The following ATRNL1 variants were observed in gnomAD, a reference collection of about 807,000 sequenced individuals.
ATRNL1 encodes the protein attractin like 1.
A neutral mutation model predicts 182.7 loss-of-function variants in ATRNL1; 95 were observed. The observed-to-expected ratio is 0.52, with a 90% CI of 0.44 to 0.62. The LOEUF (loss-of-function observed/expected upper bound fraction) is 0.62. ATRNL1 is among the 20% of genes least tolerant of loss of function. The pLI is 0.00. For missense variants in ATRNL1, 1,471 were observed against 1,679.5 expected (o/e 0.88, Z 2.17); for synonymous variants, 576 against 568.3 (o/e 1.01, Z -0.19).
intron 28 of ATRNL1, among the ~76,000 whole-genome samples, chr10:115,931,803 C>T (rs144096340): frequency 1.3e-5 from 2 of 152,278 alleles, no homozygotes; most frequent in Non-Finnish European, 2.9e-5. Flanking sequence ...CTGTGAGGAA[C>T]CTGTGGTTAA....
chr10:115,225,415 C>T (rs966346971), intron 9 of ATRNL1, among the ~76,000 whole-genome samples: 19 of 150,434 alleles, frequency 1.3e-4, no homozygotes, highest in African/African-American at 3.9e-4. Flanking sequence ...TAAGGGTGCT[C>T]GCTGTCACCA....
intron 26 of ATRNL1, among the ~76,000 whole-genome samples, chr10:115,643,979 G>A (rs1215767769): frequency 6.6e-6 from 1 of 152,140 alleles, no homozygotes; most frequent in Admixed American, 6.6e-5. Context: ...CCCCAAAGAA[G>A]CAAGAACTTA....
chr10:115,937,334 C>T (rs1347422443), intron 28 of ATRNL1, among the ~76,000 whole-genome samples: 2 of 152,178 alleles, frequency 1.3e-5, no homozygotes, highest in African/African-American at 4.8e-5. Context: ...CTGTAGTTGT[C>T]ACTGGTTTTT....
chr10:115,095,374 TTA>T (rs1491344969), intron 1 of ATRNL1, among the ~76,000 whole-genome samples: 3,342 of 148,562 alleles, frequency 0.022, 46 homozygotes, highest in Non-Finnish European at 0.028. Flanking sequence ...TTTTTTTTTT[TTA>T]AAAAAAAACT....
At chr10:115,372,010 C>G (rs543779168) in intron 19 of ATRNL1, among the ~76,000 whole-genome samples, 1 of 152,148 alleles carries the variant, frequency 6.6e-6, no homozygotes, top group African/African-American at 2.4e-5. Flanking sequence ...TTTCTCTGCA[C>G]AAGCTCTCTT....
In ATRNL1 at chr10:115,266,987, A is replaced by C. The variant is rs1310877806; in HGVS notation, c.1963A>C (p.Lys655Gln). ...SGNTNNILRA[K>Q]CPPKTAASDD... ...GAATACTAATAATATTCTTAGAGCA[A>C]AGTGCCCTCCTAAAACAGGTAAATT... The change falls in exon 12 of 29, where the codon AAG (lysine) becomes CAG (glutamine). Residue 655 changes from lysine (K) to glutamine (Q), a missense_variant. Transcript: ENST00000355044. 6.2e-7 allele frequency: 1 copy of C among 1,608,736 alleles called. No individual in the cohort carries two copies. Among genetic ancestry groups the C allele is most frequent in the Non-Finnish European group, 8.5e-7 (1 of 1,176,730 alleles).
chr10:115,930,232 C>T (rs1953352967), intron 28 of ATRNL1, among the ~76,000 whole-genome samples: 2 of 152,140 alleles, frequency 1.3e-5, no homozygotes, highest in African/African-American at 4.8e-5. Context: ...GTGTTTTTAA[C>T]CACAGTCATT....
At chr10:115,111,893 T>A (rs1844272268) in intron 1 of ATRNL1, among the ~76,000 whole-genome samples, 1 of 152,204 alleles carries the variant, frequency 6.6e-6, no homozygotes, top group Non-Finnish European at 1.5e-5. Flanking sequence ...CACTCATTTA[T>A]GGGCCAAGTT....
chr10:115,804,494 A>G (rs1394381982), intron 27 of ATRNL1, among the ~76,000 whole-genome samples: 2 of 152,156 alleles, frequency 1.3e-5, no homozygotes, highest in African/African-American at 4.8e-5. Context: ...GTGAGGGTAC[A>G]ATGAGAAGAC....
chr10:115,894,867 A>G (rs1952167804), intron 28 of ATRNL1, among the ~76,000 whole-genome samples: 1 of 152,180 alleles, frequency 6.6e-6, no homozygotes, highest in Admixed American at 6.5e-5. Context: ...ATGAGCTTTT[A>G]GCTTATCCCC....
chr10:115,121,247 G>A (rs1414467143), intron 2 of ATRNL1, among the ~76,000 whole-genome samples: 1 of 152,066 alleles, frequency 6.6e-6, no homozygotes, highest in Non-Finnish European at 1.5e-5. Flanking sequence ...TGAGTAGCTG[G>A]GACTAGAGGT....
chr10:115,149,953 G>T (rs547112680), intron 5 of ATRNL1, among the ~76,000 whole-genome samples: 1 of 150,346 alleles, frequency 6.7e-6, no homozygotes, highest in Non-Finnish European at 1.5e-5. Flanking sequence ...GACTTTGGCC[G>T]TGAAGCCGTC....
chr10:115,644,811 AATATAT>A (rs1352999556), intron 26 of ATRNL1, among the ~76,000 whole-genome samples: 2 of 152,314 alleles, frequency 1.3e-5, no homozygotes, highest in East Asian at 3.9e-4. Context: ...GCTTAGAAGC[AATATAT>A]CTGGGATGTT....
intron 27 of ATRNL1, among the ~76,000 whole-genome samples, chr10:115,728,616 G>A (rs947424798): frequency 1.1e-4 from 16 of 152,044 alleles, no homozygotes; most frequent in Admixed American, 5.9e-4. Context: ...TCTGTCTGTA[G>A]CATTTTTGTT....
At chr10:115,558,442 A>G (rs1480483027) in intron 26 of ATRNL1, among the ~76,000 whole-genome samples, 1 of 152,174 alleles carries the variant, frequency 6.6e-6, no homozygotes, top group Non-Finnish European at 1.5e-5. Flanking sequence ...ATGCAGATAA[A>G]GGGATGGTCC....
chr10:115,647,582 G>A (rs1243653518), intron 26 of ATRNL1, among the ~76,000 whole-genome samples: 3 of 152,124 alleles, frequency 2.0e-5, no homozygotes, highest in East Asian at 1.9e-4. Context: ...GTGTCTGTTG[G>A]CTGCCTAAAT....
intron 24 of ATRNL1, among the ~76,000 whole-genome samples, chr10:115,493,524 A>G (rs143825125): frequency 2.9e-3 from 445 of 152,280 alleles, no homozygotes; most frequent in Non-Finnish European, 4.5e-3. Flanking sequence ...ACTGATGACC[A>G]TCTAGGTTTA....
At chr10:115,766,535 T>C (rs879955299) in intron 27 of ATRNL1, among the ~76,000 whole-genome samples, 5 of 152,206 alleles carry the variant, frequency 3.3e-5, no homozygotes, top group African/African-American at 1.2e-4. Flanking sequence ...GAATATCTAA[T>C]GGTGAAAAGT....
chr10:115,588,907 A>G (rs1855741151), intron 26 of ATRNL1, among the ~76,000 whole-genome samples: 1 of 152,348 alleles, frequency 6.6e-6, no homozygotes, highest in South Asian at 2.1e-4. Flanking sequence ...ATATAAAACA[A>G]GTATAAGTAA....
Sources: allele counts gnomAD v4.1 joint callset (sites outside exome capture counted in the v4.1 genomes callset), GRCh38; gene constraint gnomAD v4.1.1; transcripts MANE v1.5; gene names NCBI Gene and HGNC (gene_info 2026-07-23, HGNC 2026-07-21).